Variants in BRMS1L observed in about 807,000 individuals in gnomAD.
BRMS1L encodes the protein breast cancer metastasis-suppressor 1-like protein.
BRMS1L carries 23 observed loss-of-function variants against 50.3 expected under a neutral mutation model. The observed-to-expected ratio is 0.46, with a 90% CI of 0.33 to 0.65. The LOEUF is 0.65. Among genes scored for constraint, BRMS1L ranks in the 30% least tolerant of loss-of-function variants. The pLI is 0.02. For missense variants in BRMS1L, 286 were observed against 386.1 expected, an observed-to-expected ratio of 0.74 and a Z score of 2.17; for synonymous variants, 114 against 126.9, an observed-to-expected ratio of 0.90 and a Z score of 0.69.
intron 5 of BRMS1L, 94 bp from the exon 6 acceptor site, chr14:35,863,776 A>T: frequency 8.9e-7 from 1 of 1,123,304 alleles, no homozygotes; most frequent in South Asian, 1.4e-5. Flanking sequence ...TTACGTTTTT[A>T]CATGTAACTA....
intron 1 of BRMS1L, 188 bp downstream of exon 1, chr14:35,826,846 C>T (rs2077852181): frequency 2.4e-6 from 2 of 829,060 alleles, no homozygotes; most frequent in South Asian, 1.9e-5. Context: ...CTGATGGGTC[C>T]CGGCGGCGGG....
At chr14:35,865,025 A>G (rs890516536) in intron 7 of BRMS1L, 26 bp downstream of exon 7, 4 of 1,469,788 alleles carry the variant, frequency 2.7e-6, no homozygotes, top group East Asian at 2.4e-5. Context: ...AGTGGAACAC[A>G]AGTATGTTTT....
At chr14:35,831,537 C>T in intron 2 of BRMS1L, 37 bp downstream of exon 2, 1 of 1,469,244 alleles carries the variant, frequency 6.8e-7, no homozygotes. Context: ...GTCACTGAAT[C>T]TCAACCTTGT....
chr14:35,866,913 C>T (rs1023759698), intron 8 of BRMS1L, among the ~76,000 whole-genome samples: 4 of 152,140 alleles, frequency 2.6e-5, no homozygotes, highest in African/African-American at 9.7e-5. Flanking sequence ...CTCTTATCTT[C>T]AGCATTGTAT....
intron 3 of BRMS1L, 110 bp from the exon 4 acceptor site, chr14:35,834,733 AT>A: frequency 3.1e-6 from 2 of 644,880 alleles, no homozygotes; most frequent in Non-Finnish European, 4.5e-6. Flanking sequence ...TCACTTTTCA[AT>A]TTTTTCTTGA....
At chr14:35,861,570 G>T (rs1020044327) in intron 4 of BRMS1L, among the ~76,000 whole-genome samples, 3 of 152,196 alleles carry the variant, frequency 2.0e-5, no homozygotes, top group Non-Finnish European at 2.9e-5. Flanking sequence ...AACCATGTTT[G>T]ATATGAAATC....
intron 1 of BRMS1L, among the ~76,000 whole-genome samples, chr14:35,827,039 A>G (rs1343467853): frequency 6.6e-6 from 1 of 152,172 alleles, no homozygotes; most frequent in Non-Finnish European, 1.5e-5. Flanking sequence ...TCTCAGCGCA[A>G]GTGAGTTGCC....
intron 3 of BRMS1L, among the ~76,000 whole-genome samples, chr14:35,833,540 G>A (rs1218533070): frequency 6.6e-6 from 1 of 151,930 alleles, no homozygotes; most frequent in Non-Finnish European, 1.5e-5. Context: ...TATAGAACAG[G>A]AAACTTGCCT....
intron 4 of BRMS1L, among the ~76,000 whole-genome samples, chr14:35,846,217 T>TCAAAACAAAA (rs71124722): frequency 1.3e-4 from 19 of 150,274 alleles, no homozygotes; most frequent in African/African-American, 2.9e-4. Flanking sequence ...CAAGACTCTG[T>TCAAAACAAAA]CAAAACAAAA....
intron 4 of BRMS1L, among the ~76,000 whole-genome samples, chr14:35,850,467 A>T (rs919276628): frequency 1.3e-5 from 2 of 151,956 alleles, no homozygotes; most frequent in African/African-American, 4.8e-5. Context: ...AACTGCTGGG[A>T]TTACAGGCGT....
intron 4 of BRMS1L, among the ~76,000 whole-genome samples, chr14:35,857,287 G>T (rs1273177858): frequency 6.9e-6 from 1 of 145,634 alleles, no homozygotes; most frequent in Non-Finnish European, 1.5e-5. Flanking sequence ...ATATATGTGT[G>T]TGTGTGTGTG....
intron 4 of BRMS1L, among the ~76,000 whole-genome samples, chr14:35,849,783 G>T (rs1381561111): frequency 1.3e-5 from 2 of 151,768 alleles, no homozygotes; most frequent in Non-Finnish European, 2.9e-5. Context: ...CTGATCATTT[G>T]GGCTTTTGCT....
chr14:35,846,765 A>G (rs1364795611), intron 4 of BRMS1L, among the ~76,000 whole-genome samples: 1 of 152,194 alleles, frequency 6.6e-6, no homozygotes, highest in African/African-American at 2.4e-5. Context: ...AGGTAAACTT[A>G]CTTTTTTCCC....
chr14:35,860,338 A>G (rs945485661), intron 4 of BRMS1L, among the ~76,000 whole-genome samples: 3 of 151,702 alleles, frequency 2.0e-5, no homozygotes, highest in African/African-American at 7.3e-5. Flanking sequence ...AGGTTTCACC[A>G]TGTTGGCCAG....
intron 5 of BRMS1L, among the ~76,000 whole-genome samples, chr14:35,863,032 G>C (rs1259489905): frequency 6.6e-6 from 1 of 151,942 alleles, no homozygotes; most frequent in Non-Finnish European, 1.5e-5. Context: ...TTGATCCCAG[G>C]AGTTCGAGAT....
Position 35,857,240 on chromosome 14 carries a change from C to CAA in BRMS1L, c.442-5340_442-5339dup, listed in dbSNP as rs200406365. Among the ~76,000 whole-genome samples, 886 of 125,466 alleles carry CAA rather than the reference C, an allele frequency of 7.1e-3. 11 individuals carry two copies. Among genetic ancestry groups the CAA allele is most frequent in the African/African-American group, 0.022 (709 of 32,224 alleles). 82.3% of individuals were successfully genotyped at this position (125,466 alleles called of 152,430 possible). On this transcript the variant is annotated intron_variant, in intron 4 of 9. Coordinates refer to ENST00000216807, the MANE Select transcript of BRMS1L (RefSeq NM_032352.4). ...TGGGCGACAGAGCAAGACTCCGTCT[C>CAA]AAAAAAAAAAATATATATATATATG...
intron 1 of BRMS1L, among the ~76,000 whole-genome samples, chr14:35,827,120 G>A (rs144597389): frequency 7.2e-4 from 109 of 152,330 alleles, no homozygotes; most frequent in African/African-American, 2.5e-3. Context: ...TTTTACATCA[G>A]TGTCTTTTCG....
intron 3 of BRMS1L, among the ~76,000 whole-genome samples, 192 bp downstream of exon 3, chr14:35,833,297 G>T (rs542526249): frequency 6.6e-6 from 1 of 151,118 alleles, no homozygotes; most frequent in East Asian, 1.9e-4. Flanking sequence ...GCTGCTGTAG[G>T]GGATTAAAAA....
chr14:35,858,653 A>C (rs1195150960), intron 4 of BRMS1L: 1 of 152,142 alleles, frequency 6.6e-6, no homozygotes, highest in Non-Finnish European at 1.5e-5. Flanking sequence ...TGCAGTGAAG[A>C]TATCAGCCAG....
Sources: allele counts gnomAD v4.1 joint callset (sites outside exome capture counted in the v4.1 genomes callset), GRCh38; gene constraint gnomAD v4.1.1; transcripts MANE v1.5; gene names NCBI Gene and HGNC (gene_info 2026-07-23, HGNC 2026-07-21).